SCN9A: variants seen among roughly 807,000 people sequenced by gnomAD.
SCN9A encodes the protein sodium channel protein type 9 subunit alpha.
SCN9A carries 131 observed loss-of-function variants against 187.0 expected under a neutral mutation model. The ratio of observed to expected loss-of-function variants is 0.70; its 90% CI spans 0.61 to 0.81. SCN9A has a LOEUF of 0.81. Among genes scored for constraint, SCN9A ranks in the 30% least tolerant of loss-of-function variants. The pLI, the probability that SCN9A is intolerant of heterozygous loss-of-function variation, is 0.00. For synonymous variants in SCN9A, 809 were observed against 808.6 expected (o/e 1.00, Z -0.01); for missense variants, 2,252 against 2,396.6 (o/e 0.94, Z 1.26).
intron 21 of SCN9A, among the ~76,000 whole-genome samples, chr2:166,229,445 C>A (rs1420593158): frequency 6.6e-6 from 1 of 151,970 alleles, no homozygotes; most frequent in Non-Finnish European, 1.5e-5. Flanking sequence ...AAGATTCCCC[C>A]ATAGAGAAAC....
chr2:166,204,669 T>C, intron 24 of SCN9A: 1 of 322,434 alleles, frequency 3.1e-6, no homozygotes, highest in Non-Finnish European at 5.6e-6. Context: ...AATGTGCATA[T>C]ATAAATATTT....
rs1412031535 is a variant in SCN9A, at chr2:166,198,974, C to T, written c.5665G>A (p.Glu1889Lys). ...PITTTLKRKQ[E>K]DVSATVIQRA... Reference sequence around the variant, plus strand: ...TGAATGACAGTAGCAGACACATCCTCTTGTTTCCGTTTTAGTGTGGTTGTG... The same window carrying T: ...TGAATGACAGTAGCAGACACATCCTTTTGTTTCCGTTTTAGTGTGGTTGTG... The change falls in exon 27 of 27, where the codon GAG becomes AAG. Residue 1889 changes from glutamate to lysine, a missense_variant. Coordinates refer to ENST00000642356, the MANE Select transcript of SCN9A (RefSeq NM_001365536.1). 4 of 1,613,906 alleles carry T rather than the reference C, an allele frequency of 2.5e-6. No homozygotes were observed. The highest frequency in any genetic ancestry group is 1.7e-5 in the Admixed American group (1 of 59,998).
At chr2:166,231,483 C>G (rs577906345) in intron 21 of SCN9A, among the ~76,000 whole-genome samples, 3 of 150,508 alleles carry the variant, frequency 2.0e-5, no homozygotes, top group East Asian at 3.9e-4. Context: ...GGTTAAAACC[C>G]AAGTTTCTTA....
intron 1 of SCN9A, among the ~76,000 whole-genome samples, chr2:166,319,185 A>G (rs1699178820): frequency 6.6e-6 from 1 of 152,118 alleles, no homozygotes; most frequent in Non-Finnish European, 1.5e-5. Context: ...AACACAATCA[A>G]TGCTTTCAGT....
At chr2:166,325,639 G>A (rs1404204212) in intron 1 of SCN9A, among the ~76,000 whole-genome samples, 1 of 152,058 alleles carries the variant, frequency 6.6e-6, no homozygotes. Flanking sequence ...TATCTTTTAA[G>A]TTGTTAAATT....
intron 26 of SCN9A, among the ~76,000 whole-genome samples, chr2:166,202,194 T>G (rs1386122576): frequency 6.6e-6 from 1 of 150,376 alleles, no homozygotes; most frequent in Non-Finnish European, 1.5e-5. Context: ...CAGTCATTTC[T>G]TCTTCATTTT....
At chr2:166,302,901 C>T (rs536895056) in intron 7 of SCN9A, 189 bp downstream of exon 7, 73 of 531,856 alleles carry the variant, frequency 1.4e-4, no homozygotes, top group Non-Finnish European at 2.3e-4. Flanking sequence ...GCCAGTACTG[C>T]TAGATAGCTT....
intron 21 of SCN9A, among the ~76,000 whole-genome samples, chr2:166,229,860 T>G (rs937898384): frequency 6.6e-6 from 1 of 152,186 alleles, no homozygotes; most frequent in South Asian, 2.1e-4. Flanking sequence ...TCTTATTTAC[T>G]TAATCTTTCA....
chr2:166,277,906 T>C (rs1317332494), intron 15 of SCN9A: 1 of 383,054 alleles, frequency 2.6e-6, no homozygotes, highest in East Asian at 3.9e-5. Context: ...AATATTTATA[T>C]TATATTAGCG....
intron 2 of SCN9A, among the ~76,000 whole-genome samples, chr2:166,308,453 C>G (rs1437504657): frequency 6.6e-6 from 1 of 152,102 alleles, no homozygotes. Flanking sequence ...TGCGGCATTT[C>G]CCTCCTCTTT....
chr2:166,299,167 A>G (rs1000268437), intron 7 of SCN9A, among the ~76,000 whole-genome samples: 10 of 151,352 alleles, frequency 6.6e-5, no homozygotes, highest in Admixed American at 6.6e-4. Context: ...ATAACTACTC[A>G]TTCATTATCA....
At chr2:166,261,923 G>A (rs1012792379) in intron 17 of SCN9A, among the ~76,000 whole-genome samples, 1 of 151,920 alleles carries the variant, frequency 6.6e-6, no homozygotes, top group Non-Finnish European at 1.5e-5. Flanking sequence ...GCAAAGTGAT[G>A]TGTAGAAAAA....
At chr2:166,341,941 T>C (rs1240204515) in intron 1 of SCN9A, among the ~76,000 whole-genome samples, 2 of 152,210 alleles carry the variant, frequency 1.3e-5, no homozygotes, top group Non-Finnish European at 2.9e-5. Flanking sequence ...GATATTCTGA[T>C]CTCTCTTATA....
intron 11 of SCN9A, among the ~76,000 whole-genome samples, chr2:166,285,374 G>A (rs1170320933): frequency 6.6e-6 from 1 of 152,162 alleles, no homozygotes; most frequent in East Asian, 1.9e-4. Flanking sequence ...TTCAATTCAT[G>A]CTTATATGAC....
intron 20 of SCN9A, among the ~76,000 whole-genome samples, chr2:166,237,673 C>T (rs1695378871): frequency 1.3e-5 from 2 of 152,094 alleles, no homozygotes; most frequent in Admixed American, 1.3e-4. Context: ...ATGTGCCCCT[C>T]ATCCTCTCTT....
rs1693368310 is a variant in SCN9A at position 166,199,381 on chromosome 2, T to G, written c.5258A>C (p.Asn1753Thr). The G allele has an allele frequency of 6.2e-7, 1 of 1,614,080 alleles. No homozygotes were observed. The highest frequency in any genetic ancestry group is 8.5e-7 in the Non-Finnish European group (1 of 1,180,040). ...YIIISFLVVV[N>T]MYIAVILENF... ...CTCCAGTATGACTGCAATGTACATGTTCACCACAACCAGGAAGGATATGAT... is the reference window on the plus strand; with the variant it reads ...CTCCAGTATGACTGCAATGTACATGGTCACCACAACCAGGAAGGATATGAT... The change falls in exon 27 of 27, where the codon AAC becomes ACC. Residue 1753 changes from asparagine (N) to threonine (T), a missense_variant. Asn to Thr is a moderately conservative substitution (Grantham distance 65). Transcript: ENST00000642356.
At chr2:166,308,113 G>GT (rs1698815976) in intron 2 of SCN9A, among the ~76,000 whole-genome samples, 1 of 152,090 alleles carries the variant, frequency 6.6e-6, no homozygotes. Flanking sequence ...CCCTTTCACT[G>GT]TATCAGTTCT....
intron 1 of SCN9A, among the ~76,000 whole-genome samples, chr2:166,327,363 C>T (rs1446374292): frequency 6.6e-6 from 1 of 152,060 alleles, no homozygotes; most frequent in Admixed American, 6.6e-5. Flanking sequence ...CACCATGTTG[C>T]CCAGGCTCGT....
intron 1 of SCN9A, among the ~76,000 whole-genome samples, chr2:166,358,256 G>A (rs1317710654): frequency 6.6e-6 from 1 of 151,718 alleles, no homozygotes; most frequent in Non-Finnish European, 1.5e-5. Flanking sequence ...CTTTAGTAGA[G>A]ACAGGTTTTC....
Sources: gnomAD v4.1 joint callset for allele counts (sites outside exome capture counted in the v4.1 genomes callset) on GRCh38, gnomAD v4.1.1 for gene constraint, MANE v1.5 for transcripts, NCBI Gene and HGNC (gene_info 2026-07-23, HGNC 2026-07-21) for gene names.